Variants in SLC16A12 observed in about 807,000 individuals in gnomAD.
SLC16A12 encodes solute carrier family 16 member 12.
Under a neutral mutation model 42.4 loss-of-function variants are expected in SLC16A12, and 17 were observed. That is an observed-to-expected ratio of 0.40 (90% confidence interval 0.27 to 0.60). SLC16A12 has a LOEUF of 0.60. Ranked by LOEUF, SLC16A12 falls within the 20% of genes least tolerant of loss-of-function variation. The pLI, the probability that SLC16A12 is intolerant of heterozygous loss-of-function variation, is 0.42. For synonymous variants in SLC16A12, 224 were observed against 229.4 expected, an observed-to-expected ratio of 0.98 and a Z score of 0.21; for missense variants, 544 against 623.0, an observed-to-expected ratio of 0.87 and a Z score of 1.35.
chr10:89,506,596 G>A (rs902491800), intron 2 of SLC16A12, among the ~76,000 whole-genome samples: 8 of 152,192 alleles, frequency 5.3e-5, no homozygotes, highest in African/African-American at 1.7e-4. Flanking sequence ...ACCAAAGGTA[G>A]ATAAAACCAC....
chr10:89,529,859 C>T (rs1345886231), intron 2 of SLC16A12, among the ~76,000 whole-genome samples: 1 of 152,012 alleles, frequency 6.6e-6, no homozygotes, highest in Non-Finnish European at 1.5e-5. Context: ...CCTTTACAGT[C>T]TTAAGTGACT....
chr10:89,530,579 G>T (rs142088350), intron 2 of SLC16A12, among the ~76,000 whole-genome samples: 1 of 151,862 alleles, frequency 6.6e-6, no homozygotes, highest in Non-Finnish European at 1.5e-5. Context: ...CACCACGCCC[G>T]GCTAATTTTT....
At chr10:89,484,881 G>A (rs952866258) in intron 2 of SLC16A12, among the ~76,000 whole-genome samples, 4 of 152,194 alleles carry the variant, frequency 2.6e-5, no homozygotes, top group Admixed American at 2.0e-4. Flanking sequence ...TGACAGCCAC[G>A]TTTGTGCTAC....
At chr10:89,497,729 A>T (rs1589707147) in intron 2 of SLC16A12, among the ~76,000 whole-genome samples, 1 of 123,750 alleles carries the variant, frequency 8.1e-6, no homozygotes, top group East Asian at 2.1e-4. Context: ...AGGGGTAGAG[A>T]TCAGAAAGAG....
At chr10:89,459,665 G>A (rs910294297) in intron 3 of SLC16A12, among the ~76,000 whole-genome samples, 1 of 152,172 alleles carries the variant, frequency 6.6e-6, no homozygotes, top group Non-Finnish European at 1.5e-5. Flanking sequence ...TGTAGGCCGG[G>A]CATGGTGCCT....
At position 89,431,001 on chromosome 10, in the gene SLC16A12, CA is replaced by C. The variant is rs1037096618; in HGVS notation, c.*2062del. The C allele has an allele frequency of 2.1e-5, 5 of 242,300 alleles. No homozygotes were observed. The highest frequency in any genetic ancestry group is 6.5e-5 in the South Asian group (2 of 30,988). 15.0% of individuals were successfully genotyped at this position (242,300 alleles called of 1,614,324 possible). On this transcript the variant is annotated 3_prime_UTR_variant, in exon 8 of 8. Transcript: ENST00000371790. The stretch of plus-strand genomic sequence containing the variant: ...ACTTTGACATTTTACAGATACCTTC[CA>C]ATTTTTTTTTTTTGAGATGGAGTCT...
intron 2 of SLC16A12, among the ~76,000 whole-genome samples, chr10:89,555,332 C>T (rs547979594): frequency 2.4e-4 from 36 of 151,392 alleles, no homozygotes; most frequent in African/African-American, 8.5e-4. Flanking sequence ...TCTTATGTTA[C>T]CCAATAGACA....
intron 2 of SLC16A12, among the ~76,000 whole-genome samples, chr10:89,508,430 A>G (rs978869936): frequency 1.3e-5 from 2 of 152,252 alleles, no homozygotes; most frequent in Non-Finnish European, 2.9e-5. Context: ...AACTCACTCA[A>G]AACTGCACAG....
At chr10:89,553,501 C>T (rs1021540113) in intron 2 of SLC16A12, among the ~76,000 whole-genome samples, 3 of 152,150 alleles carry the variant, frequency 2.0e-5, no homozygotes, top group African/African-American at 7.2e-5. Flanking sequence ...CTTAATAGTT[C>T]GCAGGCATTT....
At chr10:89,492,247 C>T (rs1216590910) in intron 2 of SLC16A12, among the ~76,000 whole-genome samples, 1 of 152,082 alleles carries the variant, frequency 6.6e-6, no homozygotes, top group Admixed American at 6.6e-5. Context: ...AATAATCTGC[C>T]ATGATTATTA....
At chr10:89,519,588 C>T (rs1247191229) in intron 2 of SLC16A12, among the ~76,000 whole-genome samples, 1 of 151,928 alleles carries the variant, frequency 6.6e-6, no homozygotes, top group African/African-American at 2.4e-5. Flanking sequence ...GAACTCACAC[C>T]AGGGCGAGGA....
intron 2 of SLC16A12, among the ~76,000 whole-genome samples, chr10:89,492,116 T>C (rs1589703071): frequency 6.6e-6 from 1 of 152,342 alleles, no homozygotes; most frequent in East Asian, 1.9e-4. Flanking sequence ...GATATCAATG[T>C]TCTCCCGCTG....
chr10:89,512,148 C>G (rs304467), intron 2 of SLC16A12, among the ~76,000 whole-genome samples: 86,935 of 151,964 alleles, frequency 0.57, 25,342 homozygotes, highest in African/African-American at 0.65. Context: ...CAGGGCCTGA[C>G]GGAGAGCAGA....
chr10:89,475,991 A>G (rs190686659), intron 2 of SLC16A12, among the ~76,000 whole-genome samples: 337 of 152,340 alleles, frequency 2.2e-3, no homozygotes, highest in African/African-American at 7.6e-3. Context: ...CATAACCAGA[A>G]GCTTGCCCCC....
At chr10:89,478,116 G>A (rs1015680388) in intron 2 of SLC16A12, among the ~76,000 whole-genome samples, 2 of 151,988 alleles carry the variant, frequency 1.3e-5, no homozygotes, top group Non-Finnish European at 2.9e-5. Flanking sequence ...GGAGTGCCTT[G>A]GGTCTAGTAA....
Position 89,555,216 on chromosome 10 carries a change from G to A in SLC16A12, c.-47+666C>T, listed in dbSNP as rs187966129. Among the ~76,000 whole-genome samples the A allele has an allele frequency of 3.6e-3, 546 of 150,628 alleles. 3 individuals are homozygous for A. Among genetic ancestry groups the A allele is most frequent in the Non-Finnish European group, 6.5e-3 (438 of 67,656 alleles). ...AGATAGTGGATCTTGCTATATTGCTGAGGCTGAACTCAAATTCTTGGGCTC... is the reference window on the plus strand; with the variant it reads ...AGATAGTGGATCTTGCTATATTGCTAAGGCTGAACTCAAATTCTTGGGCTC... On this transcript the variant is annotated intron_variant, in intron 2 of 2. Coordinates refer to the SLC16A12 transcript ENST00000475682.
chr10:89,457,211 T>A (rs950007600), intron 3 of SLC16A12, among the ~76,000 whole-genome samples: 3 of 151,680 alleles, frequency 2.0e-5, no homozygotes, highest in Non-Finnish European at 4.4e-5. Flanking sequence ...TGGGAAAAAA[T>A]TTTTGCAACC....
At position 89,456,516 on chromosome 10, in the gene SLC16A12, TC is replaced by T. The variant is rs1669954441; in HGVS notation, c.200+5862del. On this transcript the variant is annotated intron_variant, in intron 3 of 7. Transcript: ENST00000371790. ...CCTGCAATTACACATGAAGTATGAT[TC>T]TTTTTTTTTCATTTTTTAAAATTTT... Among the ~76,000 whole-genome samples, 4 of 151,914 alleles carry T rather than the reference TC, an allele frequency of 2.6e-5. No individual in the cohort carries two copies. The South Asian group carries it at 8.3e-4, about 32-fold the overall frequency.
chr10:89,432,844 C>T lies in SLC16A12; in HGVS notation c.*220G>A. On this transcript the variant is annotated 3_prime_UTR_variant, in exon 8 of 8. Coordinates refer to ENST00000371790, the MANE Select transcript of SLC16A12 (RefSeq NM_213606.4). ...GCCCATTGACCAAAAGATACGAGTT[C>T]AGTTATGAGCACAAATCCCAAATGA... is the stretch of plus-strand genomic sequence containing the variant. 1.8e-6 allele frequency: 1 copy of T among 569,470 alleles called. No individual in the cohort carries two copies. The highest frequency in any genetic ancestry group is 3.0e-6 in the Non-Finnish European group (1 of 335,162). 35.3% of individuals were successfully genotyped at this position (569,470 alleles called of 1,614,324 possible). A position where few individuals can be genotyped will look rare whatever the true frequency, so the allele number is the denominator to read the frequency against.
Sources: allele counts gnomAD v4.1 joint callset (sites outside exome capture counted in the v4.1 genomes callset), GRCh38; gene constraint gnomAD v4.1.1; transcripts MANE v1.5; gene names NCBI Gene and HGNC (gene_info 2026-07-23, HGNC 2026-07-21).